The following DIAPH3 variants were observed in gnomAD, a reference collection of about 807,000 sequenced individuals.
DIAPH3 encodes protein diaphanous homolog 3.
Under a neutral mutation model 144.3 loss-of-function variants are expected in DIAPH3, and 117 were observed. The observed-to-expected ratio is 0.81, with a 90% CI of 0.70 to 0.95. DIAPH3 has a LOEUF of 0.95. Among genes scored for constraint, DIAPH3 ranks in the 40% least tolerant of loss-of-function variants. The pLI is 0.00. For missense variants in DIAPH3, 1,421 were observed against 1,412.7 expected (o/e 1.01, Z -0.09); for synonymous variants, 519 against 488.9 (o/e 1.06, Z -0.81).
chr13:59,900,443 C>T (rs2046366266), intron 20 of DIAPH3, among the ~76,000 whole-genome samples: 1 of 152,090 alleles, frequency 6.6e-6, no homozygotes, highest in Non-Finnish European at 1.5e-5. Flanking sequence ...ATCCCTCTCA[C>T]CCCAACTCAT....
intron 1 of DIAPH3, among the ~76,000 whole-genome samples, chr13:60,149,415 G>GA (rs1355475110): frequency 2.0e-5 from 3 of 152,166 alleles, no homozygotes; most frequent in East Asian, 3.9e-4. Context: ...TCCCATGTGG[G>GA]AAAAAAGTGG....
intron 1 of DIAPH3, among the ~76,000 whole-genome samples, chr13:60,158,813 G>A (rs1182853229): frequency 2.8e-5 from 4 of 145,122 alleles, no homozygotes; most frequent in Admixed American, 7.2e-5. Context: ...GAAGAGCAAA[G>A]AGCAGTATCT....
chr13:59,691,599 T>C (rs547677009), intron 27 of DIAPH3, among the ~76,000 whole-genome samples: 2 of 152,256 alleles, frequency 1.3e-5, no homozygotes, highest in Admixed American at 1.3e-4. Flanking sequence ...ATATTCAGAA[T>C]AAAACTCAAC....
intron 18 of DIAPH3, among the ~76,000 whole-genome samples, chr13:59,920,371 G>C (rs1566518056): frequency 6.6e-6 from 1 of 151,688 alleles, no homozygotes; most frequent in African/African-American, 2.4e-5. Flanking sequence ...CCATGCACAT[G>C]AAAACCGAAA....
intron 27 of DIAPH3, among the ~76,000 whole-genome samples, chr13:59,730,097 C>T (rs1016113462): frequency 4.6e-5 from 7 of 152,052 alleles, no homozygotes; most frequent in Middle Eastern, 3.4e-3. Context: ...AAAAAAACAG[C>T]GAGCCCTAAA....
intron 4 of DIAPH3, among the ~76,000 whole-genome samples, chr13:60,088,087 G>A (rs1014673351): frequency 2.0e-5 from 3 of 152,152 alleles, no homozygotes; most frequent in Admixed American, 2.0e-4. Context: ...GCACGGGGGA[G>A]TGCAACATGC....
At chr13:59,757,808 T>C (rs1195665657) in intron 27 of DIAPH3, among the ~76,000 whole-genome samples, 1 of 152,200 alleles carries the variant, frequency 6.6e-6, no homozygotes, top group East Asian at 1.9e-4. Context: ...CAGTTTGACA[T>C]GTGTTGTGAT....
intron 7 of DIAPH3, among the ~76,000 whole-genome samples, chr13:60,012,036 T>C (rs768733752): frequency 5.3e-5 from 8 of 152,114 alleles, no homozygotes; most frequent in Non-Finnish European, 1.0e-4. Context: ...TCAGAGTTAC[T>C]ACCAAACACT....
intron 23 of DIAPH3, chr13:59,838,585 T>G (rs1463986021): frequency 6.6e-6 from 1 of 152,180 alleles, no homozygotes; most frequent in African/African-American, 2.4e-5. Flanking sequence ...ATTCTTGAAG[T>G]TAAGCTGACT....
intron 4 of DIAPH3, among the ~76,000 whole-genome samples, chr13:60,056,051 A>T (rs1337787642): frequency 6.6e-6 from 1 of 151,780 alleles, no homozygotes; most frequent in Non-Finnish European, 1.5e-5. Context: ...TCCAAACACA[A>T]GAAACCTAAT....
At chr13:59,777,099 G>A (rs1222316360) in intron 25 of DIAPH3, among the ~76,000 whole-genome samples, 1 of 152,120 alleles carries the variant, frequency 6.6e-6, no homozygotes, top group Non-Finnish European at 1.5e-5. Flanking sequence ...CTCCCTAAAA[G>A]GAATGACAAT....
At chr13:60,101,575 C>A (rs958262223) in intron 3 of DIAPH3, among the ~76,000 whole-genome samples, 14 of 150,972 alleles carry the variant, frequency 9.3e-5, no homozygotes, top group African/African-American at 3.4e-4. Context: ...ATTTTAGTTG[C>A]GGTCCAAGAC....
At chr13:59,870,200 T>A (rs912722264) in intron 21 of DIAPH3, among the ~76,000 whole-genome samples, 7 of 152,074 alleles carry the variant, frequency 4.6e-5, no homozygotes, top group African/African-American at 1.7e-4. Context: ...TTCTCGTACC[T>A]TTTCTTTAAA....
intron 20 of DIAPH3, among the ~76,000 whole-genome samples, chr13:59,906,432 T>C (rs1468784928): frequency 6.6e-6 from 1 of 152,102 alleles, no homozygotes; most frequent in East Asian, 1.9e-4. Flanking sequence ...TGAAAAGAGG[T>C]AGTGGGATAC....
intron 21 of DIAPH3, among the ~76,000 whole-genome samples, chr13:59,872,177 ATCTT>A (rs1228187905): frequency 1.3e-5 from 2 of 152,130 alleles, no homozygotes; most frequent in Non-Finnish European, 2.9e-5. Flanking sequence ...TTCTTTTTAG[ATCTT>A]TCTTATTTTC....
chr13:60,049,475 C>T (rs2056232988), intron 4 of DIAPH3, among the ~76,000 whole-genome samples: 1 of 152,192 alleles, frequency 6.6e-6, no homozygotes, highest in African/African-American at 2.4e-5. Flanking sequence ...CTGACACCCT[C>T]CGCCCTTATC....
chr13:59,988,549 A>T (rs192173986), intron 12 of DIAPH3, among the ~76,000 whole-genome samples: 3 of 151,830 alleles, frequency 2.0e-5, no homozygotes, highest in African/African-American at 7.2e-5. Flanking sequence ...AGGCAATACT[A>T]TCAAAGAATA....
At chr13:60,083,967 T>G (rs2057657030) in intron 4 of DIAPH3, among the ~76,000 whole-genome samples, 1 of 150,412 alleles carries the variant, frequency 6.6e-6, no homozygotes, top group African/African-American at 2.4e-5. Flanking sequence ...ATGAATAAAC[T>G]ATAGTCTGAG....
chr13:59,836,676 G>T (rs939304472), intron 23 of DIAPH3, among the ~76,000 whole-genome samples: 4 of 151,784 alleles, frequency 2.6e-5, no homozygotes, highest in African/African-American at 9.6e-5. Flanking sequence ...TCAATTAATT[G>T]ATTTAACAGT....
Sources: allele counts gnomAD v4.1 joint callset (sites outside exome capture counted in the v4.1 genomes callset), GRCh38; gene constraint gnomAD v4.1.1; transcripts MANE v1.5; gene names NCBI Gene and HGNC (gene_info 2026-07-23, HGNC 2026-07-21).